ATG10: variants seen among roughly 807,000 people sequenced by gnomAD.
ATG10 encodes autophagy related 10.
ATG10 carries 30 observed loss-of-function variants against 32.1 expected under a neutral mutation model. The ratio of observed to expected loss-of-function variants is 0.94; its 90% CI spans 0.70 to 1.27. ATG10 has a LOEUF of 1.27. Among genes scored for constraint, ATG10 ranks in the 50% most tolerant of loss-of-function variants. The pLI is 0.00. For missense variants in ATG10, 233 were observed against 262.3 expected, an observed-to-expected ratio of 0.89 and a Z score of 0.77; for synonymous variants, 87 against 91.5, an observed-to-expected ratio of 0.95 and a Z score of 0.28.
intron 5 of ATG10, among the ~76,000 whole-genome samples, chr5:82,251,592 C>T (rs1182460796): frequency 6.6e-6 from 1 of 152,142 alleles, no homozygotes; most frequent in Non-Finnish European, 1.5e-5. Context: ...TCTCACGGGC[C>T]CCGTCATCTG....
At chr5:81,984,890 A>G (rs1761208077) in intron 1 of ATG10, among the ~76,000 whole-genome samples, 1 of 152,262 alleles carries the variant, frequency 6.6e-6, no homozygotes, top group African/African-American at 2.4e-5. Flanking sequence ...AATCCAGTTG[A>G]GATGGATATA....
Position 82,164,504 on chromosome 5 carries a change from G to A in ATG10, c.322G>A (p.Val108Met), listed in dbSNP as rs779368483. 32 of 1,613,484 alleles carry A rather than the reference G, an allele frequency of 2.0e-5. No individual in the cohort carries two copies. Among genetic ancestry groups the A allele is most frequent in the Non-Finnish European group, 2.2e-5 (26 of 1,179,634 alleles). ...TGTCTTATATTCCTGTAGCTACCAA[G>A]TGCCTGTACTTTACTTTAGGGCAAG... ...YHVLYSCSYQ[V>M]PVLYFRASFL... is the part of the protein sequence containing the mutation. Residue 108 changes from valine (V) to methionine (M), a missense_variant, in exon 4 of 8, where the codon GTG (valine) becomes ATG (methionine). Coordinates refer to ENST00000282185, the MANE Select transcript of ATG10 (RefSeq NM_031482.5).
At chr5:82,038,675 G>A (rs909206193) in intron 2 of ATG10, among the ~76,000 whole-genome samples, 1 of 152,162 alleles carries the variant, frequency 6.6e-6, no homozygotes, top group Non-Finnish European at 1.5e-5. Context: ...TAACATTGTA[G>A]CAAGCTTTTG....
At chr5:82,073,369 AG>A (rs1318702156) in intron 3 of ATG10, 1 of 152,124 alleles carries the variant, frequency 6.6e-6, no homozygotes, top group Non-Finnish European at 1.5e-5. Flanking sequence ...TTTGACCCTT[AG>A]TGGTTGCTAA....
rs527443401 is a variant in ATG10 at position 82,001,120 on chromosome 5, A to G, written c.108+13442A>G. ...CATGAGAATTAGAAAACACTGTTCAAATAAATCAGAAATTACACAAACAAA... is the reference window on the plus strand; with the variant it reads ...CATGAGAATTAGAAAACACTGTTCAGATAAATCAGAAATTACACAAACAAA... On this transcript the variant is annotated intron_variant, in intron 2 of 7. Coordinates refer to ENST00000282185, the MANE Select transcript of ATG10 (RefSeq NM_031482.5). Among the ~76,000 whole-genome samples, 175 of 152,346 alleles carry G rather than the reference A, an allele frequency of 1.1e-3. 2 individuals carry two copies. Among genetic ancestry groups the G allele is most frequent in the Admixed American group, 2.3e-3 (35 of 15,306 alleles).
intron 2 of ATG10, among the ~76,000 whole-genome samples, chr5:82,028,491 T>C (rs1487066785): frequency 6.6e-6 from 1 of 152,202 alleles, no homozygotes; most frequent in Non-Finnish European, 1.5e-5. Flanking sequence ...GTGAAGACAT[T>C]GAATAGGATT....
At chr5:82,010,164 G>A in intron 2 of ATG10, 1 of 1,286,058 alleles carries the variant, frequency 7.8e-7, no homozygotes, top group Non-Finnish European at 1.1e-6. Flanking sequence ...TTGTCCTCAA[G>A]GTCTTGGAGA....
chr5:82,144,299 C>G (rs1216378373), intron 3 of ATG10, among the ~76,000 whole-genome samples: 2 of 150,076 alleles, frequency 1.3e-5, no homozygotes, highest in Non-Finnish European at 3.0e-5. Flanking sequence ...TTTTTTTTCT[C>G]TGATTTGTCT....
intron 3 of ATG10, among the ~76,000 whole-genome samples, chr5:82,118,940 A>G (rs774158797): frequency 1.2e-4 from 18 of 152,284 alleles, no homozygotes; most frequent in Admixed American, 5.2e-4. Context: ...AAGGAGGGCA[A>G]TGTCTTGGGA....
intron 5 of ATG10, among the ~76,000 whole-genome samples, chr5:82,228,772 T>C (rs1347917484): frequency 6.6e-6 from 1 of 152,210 alleles, no homozygotes; most frequent in Admixed American, 6.5e-5. Flanking sequence ...TATAGATAGA[T>C]GTTTTTTAAA....
At chr5:81,997,674 C>A (rs545838023) in intron 2 of ATG10, among the ~76,000 whole-genome samples, 1 of 152,166 alleles carries the variant, frequency 6.6e-6, no homozygotes, top group East Asian at 1.9e-4. Context: ...AAGAAATGGC[C>A]ATTTTTAAGA....
Position 82,013,582 on chromosome 5 carries a change from A to G in ATG10, c.108+25904A>G, listed in dbSNP as rs904181227. On this transcript the variant is annotated intron_variant, in intron 2 of 7. Coordinates refer to ENST00000282185, the MANE Select transcript of ATG10 (RefSeq NM_031482.5). Reference sequence around the variant, plus strand: ...TTTTAGTTCTTTAAGGAATCCCCACACGTTTTCCATAGTGGTTGTACTATC... The same window carrying G: ...TTTTAGTTCTTTAAGGAATCCCCACGCGTTTTCCATAGTGGTTGTACTATC... 1.1e-4 allele frequency among the ~76,000 whole-genome samples: 16 copies of G among 152,212 alleles called. No individual in the cohort carries two copies. The South Asian group carries it at 1.5e-3, about 14-fold the overall frequency.
At chr5:81,986,479 C>T (rs956219977) in intron 1 of ATG10, among the ~76,000 whole-genome samples, 3 of 152,054 alleles carry the variant, frequency 2.0e-5, no homozygotes, top group Non-Finnish European at 4.4e-5. Context: ...TTTTGTATAC[C>T]TAACCTTTAC....
intron 2 of ATG10, among the ~76,000 whole-genome samples, chr5:82,036,886 A>G (rs1490815590): frequency 1.3e-5 from 2 of 151,880 alleles, no homozygotes; most frequent in Non-Finnish European, 2.9e-5. Flanking sequence ...TAATCCCAGC[A>G]CTATGGAAGG....
At chr5:82,141,335 A>T (rs932183759) in intron 3 of ATG10, among the ~76,000 whole-genome samples, 1 of 152,162 alleles carries the variant, frequency 6.6e-6, no homozygotes, top group Non-Finnish European at 1.5e-5. Context: ...GATTTCTTGA[A>T]CTGATACACT....
intron 2 of ATG10, among the ~76,000 whole-genome samples, chr5:82,009,020 C>A (rs1356861950): frequency 6.6e-6 from 1 of 152,122 alleles, no homozygotes; most frequent in Non-Finnish European, 1.5e-5. Context: ...AGAATGAGTT[C>A]AAATTTTTTC....
At chr5:82,174,667 A>G (rs1040401124) in intron 4 of ATG10, among the ~76,000 whole-genome samples, 2 of 152,218 alleles carry the variant, frequency 1.3e-5, no homozygotes, top group Non-Finnish European at 2.9e-5. Flanking sequence ...ACAGAATTAC[A>G]GCATTGTTGG....
In ATG10 at chr5:81,975,862, A is replaced by G. The variant is rs573057374; in HGVS notation, c.-13+3556A>G. On this transcript the variant is annotated intron_variant, in intron 1 of 7. Coordinates refer to ENST00000282185, the MANE Select transcript of ATG10 (RefSeq NM_031482.5). ...AAAAGTATTTGAGGTAGCTTAAACT[A>G]TATAATATATAATAACATACAAAAT... Among the ~76,000 whole-genome samples the G allele has an allele frequency of 5.4e-4, 82 of 152,156 alleles. 1 individual carries two copies. The highest frequency in any genetic ancestry group is 1.9e-3 in the South Asian group (9 of 4,826).
intron 3 of ATG10, among the ~76,000 whole-genome samples, chr5:82,083,813 C>A (rs1764571184): frequency 6.6e-6 from 1 of 152,146 alleles, no homozygotes; most frequent in Non-Finnish European, 1.5e-5. Flanking sequence ...CACACCAAAA[C>A]CCCATCTGTA....
Sources: allele counts gnomAD v4.1 joint callset (sites outside exome capture counted in the v4.1 genomes callset), GRCh38; gene constraint gnomAD v4.1.1; transcripts MANE v1.5; gene names NCBI Gene and HGNC (gene_info 2026-07-23, HGNC 2026-07-21).